DLGAP2: variants seen among roughly 807,000 people sequenced by gnomAD.
DLGAP2 encodes disks large-associated protein 2.
DLGAP2 carries 26 observed loss-of-function variants against 100.3 expected under a neutral mutation model. That is an observed-to-expected ratio of 0.26 (90% CI 0.19 to 0.36). The LOEUF is 0.36. DLGAP2 is among the 10% of genes least tolerant of loss of function. The pLI, the probability that DLGAP2 is intolerant of heterozygous loss-of-function variation, is 1.00. For synonymous variants in DLGAP2, 886 were observed against 630.1 expected (o/e 1.41, Z -6.08); for missense variants, 1,858 against 1,453.2 (o/e 1.28, Z -4.53).
At chr8:1,444,204 G>A (rs1455648105) in intron 3 of DLGAP2, among the ~76,000 whole-genome samples, 1 of 152,128 alleles carries the variant, frequency 6.6e-6, no homozygotes, top group African/African-American at 2.4e-5. Context: ...TGTTGCCTTG[G>A]CCTCCCACAG....
chr8:766,897 G>T (rs1266299270), intron 1 of DLGAP2, among the ~76,000 whole-genome samples: 1 of 152,144 alleles, frequency 6.6e-6, no homozygotes, highest in Non-Finnish European at 1.5e-5. Flanking sequence ...GCCTAGACTT[G>T]TAACATGTGA....
At chr8:1,098,423 C>T (rs1319705925) in intron 2 of DLGAP2, among the ~76,000 whole-genome samples, 2 of 152,200 alleles carry the variant, frequency 1.3e-5, no homozygotes, top group African/African-American at 4.8e-5. Context: ...CTCACGAGGG[C>T]CTCCCGGGCA....
intron 3 of DLGAP2, among the ~76,000 whole-genome samples, chr8:1,288,721 T>C (rs1462950544): frequency 2.0e-5 from 3 of 149,476 alleles, no homozygotes; most frequent in Non-Finnish European, 3.0e-5. Context: ...GGAACTTGTT[T>C]CGTTTCAGTG....
At chr8:855,430 T>G (rs1797259479) in intron 1 of DLGAP2, among the ~76,000 whole-genome samples, 1 of 152,132 alleles carries the variant, frequency 6.6e-6, no homozygotes, top group East Asian at 1.9e-4. Flanking sequence ...AATGAGTGAC[T>G]AAAGAGGAGT....
At chr8:739,645 A>G (rs1345598169) in intron 1 of DLGAP2, 1 of 152,258 alleles carries the variant, frequency 6.6e-6, no homozygotes, top group Admixed American at 6.5e-5. Flanking sequence ...TGGGTTTAAA[A>G]AAATGTCATT....
intron 3 of DLGAP2, among the ~76,000 whole-genome samples, chr8:1,414,434 G>A (rs919546051): frequency 1.3e-5 from 2 of 152,250 alleles, no homozygotes; most frequent in Non-Finnish European, 2.9e-5. Flanking sequence ...AGCCGGTCAA[G>A]TGTGGGAGGC....
chr8:1,256,051 C>T (rs1267553349), intron 2 of DLGAP2, among the ~76,000 whole-genome samples: 2 of 124,154 alleles, frequency 1.6e-5, no homozygotes, highest in Non-Finnish European at 3.3e-5. Flanking sequence ...TGTGTGTGTC[C>T]TCTCATCCTG....
At chr8:1,486,263 T>G (rs1248675603) in intron 3 of DLGAP2, among the ~76,000 whole-genome samples, 1 of 152,178 alleles carries the variant, frequency 6.6e-6, no homozygotes, top group Admixed American at 6.5e-5. Flanking sequence ...CAAGCCTGCA[T>G]ATTACGGCAG....
At chr8:928,530 G>A (rs1339622894) in intron 2 of DLGAP2, among the ~76,000 whole-genome samples, 1 of 152,074 alleles carries the variant, frequency 6.6e-6, no homozygotes, top group East Asian at 1.9e-4. Context: ...ATGCTGGCGG[G>A]GACTGGGTAC....
At chr8:1,411,628 G>A (rs1002143847) in intron 3 of DLGAP2, among the ~76,000 whole-genome samples, 2 of 152,154 alleles carry the variant, frequency 1.3e-5, no homozygotes, top group African/African-American at 4.8e-5. Context: ...CTCCTGGCCT[G>A]GTTTATCCTC....
At chr8:815,313 G>A (rs776974737) in intron 1 of DLGAP2, among the ~76,000 whole-genome samples, 8 of 152,210 alleles carry the variant, frequency 5.3e-5, no homozygotes, top group Non-Finnish European at 1.0e-4. Context: ...TGGCGGAGGA[G>A]CAGAACACCC....
intron 1 of DLGAP2, among the ~76,000 whole-genome samples, chr8:895,656 G>A (rs181631763): frequency 5.3e-5 from 8 of 152,326 alleles, no homozygotes; most frequent in South Asian, 2.1e-4. Flanking sequence ...TAGGGTTCAC[G>A]AGGTTTATGA....
intron 2 of DLGAP2, among the ~76,000 whole-genome samples, chr8:961,893 C>T (rs1421318895): frequency 6.6e-6 from 1 of 152,122 alleles, no homozygotes; most frequent in Admixed American, 6.5e-5. Context: ...CTTCATAGAC[C>T]TTTTGATCAC....
At chr8:1,003,526 A>G (rs1396511051) in intron 2 of DLGAP2, among the ~76,000 whole-genome samples, 1 of 152,266 alleles carries the variant, frequency 6.6e-6, no homozygotes, top group Admixed American at 6.5e-5. Flanking sequence ...TTGCTGAATA[A>G]TAAGCCATCT....
intron 2 of DLGAP2, among the ~76,000 whole-genome samples, chr8:1,089,343 A>G (rs1292643940): frequency 6.6e-6 from 1 of 152,208 alleles, no homozygotes; most frequent in Non-Finnish European, 1.5e-5. Flanking sequence ...CAAATGTCTT[A>G]CTTTCCCTTT....
chr8:1,226,546 G>T (rs1335223906), intron 2 of DLGAP2, among the ~76,000 whole-genome samples: 1 of 152,128 alleles, frequency 6.6e-6, no homozygotes, highest in Non-Finnish European at 1.5e-5. Flanking sequence ...GTTGATGGGT[G>T]CAGCAAACCA....
intron 2 of DLGAP2, among the ~76,000 whole-genome samples, chr8:1,117,148 C>G (rs62486824): frequency 1.4e-4 from 12 of 86,712 alleles, no homozygotes; most frequent in Non-Finnish European, 3.1e-4. Flanking sequence ...AACACCGTCT[C>G]TTTGACCTGT....
chr8:1,326,934 A>G (rs892196142), intron 3 of DLGAP2, among the ~76,000 whole-genome samples: 1 of 152,238 alleles, frequency 6.6e-6, no homozygotes, highest in African/African-American at 2.4e-5. Flanking sequence ...GTTACATAAG[A>G]TCAGCCGTGC....
At chr8:1,173,620 A>G (rs1324802860) in intron 2 of DLGAP2, among the ~76,000 whole-genome samples, 1 of 151,884 alleles carries the variant, frequency 6.6e-6, no homozygotes, top group Non-Finnish European at 1.5e-5. Flanking sequence ...CCTGCCGCCT[A>G]GTTTGATCTT....
Sources: gnomAD v4.1 joint callset for allele counts (sites outside exome capture counted in the v4.1 genomes callset) on GRCh38, gnomAD v4.1.1 for gene constraint, MANE v1.5 for transcripts, NCBI Gene and HGNC (gene_info 2026-07-23, HGNC 2026-07-21) for gene names.